The following CDC45 variants were observed in gnomAD, a reference collection of about 807,000 sequenced individuals.
The protein encoded by CDC45 is cell division cycle 45.
A neutral mutation model predicts 77.8 loss-of-function variants in CDC45; 54 were observed. The observed-to-expected ratio is 0.69, with a 90% confidence interval of 0.56 to 0.87. The LOEUF (loss-of-function observed/expected upper bound fraction) is 0.87. Ranked by LOEUF, CDC45 falls within the 40% of genes least tolerant of loss-of-function variation. The pLI is 0.00. For missense variants in CDC45, 649 were observed against 721.6 expected (o/e 0.90, Z 1.15); for synonymous variants, 260 against 272.1 (o/e 0.96, Z 0.44).
At chr22:19,518,628 C>G (rs1367694219) in intron 17 of CDC45, among the ~76,000 whole-genome samples, 1 of 152,150 alleles carries the variant, frequency 6.6e-6, no homozygotes, top group East Asian at 1.9e-4. Context: ...GTTCTCCCTG[C>G]AGGCCCCAAC....
intron 17 of CDC45, among the ~76,000 whole-genome samples, chr22:19,518,276 C>T (rs375965796): frequency 1.4e-4 from 21 of 152,286 alleles, no homozygotes; most frequent in African/African-American, 2.6e-4. Flanking sequence ...TGGGCTGGGT[C>T]TGGGGCTCTC....
intron 9 of CDC45, among the ~76,000 whole-genome samples, chr22:19,503,512 G>A (rs1932983168): frequency 6.6e-6 from 1 of 152,170 alleles, no homozygotes; most frequent in Non-Finnish European, 1.5e-5. Context: ...TGGTCTCTGG[G>A]CAAGATGAAA....
At position 19,514,857 on chromosome 22, in the gene CDC45, G is replaced by C. The variant is rs1933693491; in HGVS notation, c.1326G>C (p.Gln442His). The change falls in exon 14 of 19, where the codon CAG becomes CAC. Residue 442 changes from glutamine to histidine, a missense_variant. Gln to His is a conservative substitution (Grantham distance 24, BLOSUM62 0). Coordinates refer to ENST00000263201, the MANE Select transcript of CDC45 (RefSeq NM_003504.5). ...TTTGCACCAACCTCGTCATCTCCCA[G>C]GGGCCTTTCCTGTACTGCTCTCTCA... ...SCLCTNLVIS[Q>H]GPFLYCSLME... The C allele has an allele frequency of 1.3e-5, 21 of 1,614,158 alleles. No individual in the cohort carries two copies. Among genetic ancestry groups the C allele is most frequent in the Non-Finnish European group, 1.5e-5 (18 of 1,180,030 alleles).
Position 19,480,255 on chromosome 22 carries a change from G to T in CDC45, c.111+38G>T, listed in dbSNP as rs770856992. 10 of 1,591,302 alleles carry T rather than the reference G, an allele frequency of 6.3e-6. No individual in the cohort carries two copies. In the East Asian group the frequency reaches 1.6e-4, roughly 25 times the overall value. On this transcript the variant is annotated intron_variant, in intron 2 of 18. Coordinates refer to ENST00000263201, the MANE Select transcript of CDC45 (RefSeq NM_003504.5). ...GACCCTAGGAGGGCGGGGCCGGCGC[G>T]CGAGGTGAGGGTGCTGCGTGGGGGC...
At chr22:19,481,527 C>A (rs939520972) in intron 3 of CDC45, among the ~76,000 whole-genome samples, 3 of 151,604 alleles carry the variant, frequency 2.0e-5, no homozygotes, top group Admixed American at 2.0e-4. Flanking sequence ...TACAGGCACC[C>A]GCCACCACAC....
intron 11 of CDC45, 92 bp from the exon 12 acceptor site, chr22:19,507,674 G>A (rs1209514356): frequency 3.0e-6 from 4 of 1,337,610 alleles, no homozygotes; most frequent in South Asian, 1.3e-5. Flanking sequence ...TGCTGGTGCG[G>A]GGACATCCTC....
Position 19,494,512 on chromosome 22 carries a change from C to G in CDC45, c.542+130C>G, listed in dbSNP as rs151216373. The G allele has an allele frequency of 4.2e-3, 6,573 of 1,552,294 alleles. 19 individuals are homozygous for G. The highest frequency in any genetic ancestry group is 5.3e-3 in the Non-Finnish European group (6,056 of 1,147,168). On this transcript the variant is annotated intron_variant, in intron 6 of 18. Coordinates refer to ENST00000263201, the MANE Select transcript of CDC45 (RefSeq NM_003504.5). ...GTTTAGAACCTTTGGGCCAGTGGCT[C>G]TGGGAGTGAACCTGTGGCCGCTGCA...
Position 19,479,944 on chromosome 22 carries a change from C to A in CDC45, c.-25C>A, listed in dbSNP as rs746235990. 3 of 1,612,236 alleles carry A rather than the reference C, an allele frequency of 1.9e-6. No individual in the cohort carries two copies. The South Asian group carries it at 3.3e-5, about 18-fold the overall frequency. On this transcript the variant is annotated 5_prime_UTR_variant, in exon 1 of 19. Transcript: ENST00000263201. ...CGGGCTCTTGGTACCTCAGCGCGAGCGCCAGGCGTCCGGCCGCCGTGGCTA... is the reference window on the plus strand; with the variant it reads ...CGGGCTCTTGGTACCTCAGCGCGAGAGCCAGGCGTCCGGCCGCCGTGGCTA...
At chr22:19,518,301 C>A (rs541443071) in intron 17 of CDC45, among the ~76,000 whole-genome samples, 3 of 152,302 alleles carry the variant, frequency 2.0e-5, no homozygotes, top group African/African-American at 7.2e-5. Flanking sequence ...CTGTGGCTGG[C>A]AGCATAGATG....
intron 5 of CDC45, among the ~76,000 whole-genome samples, chr22:19,485,352 T>C (rs1266961374): frequency 6.6e-6 from 1 of 152,232 alleles, no homozygotes; most frequent in African/African-American, 2.4e-5. Flanking sequence ...TGCAAAGCTT[T>C]CCATTGGGGG....
chr22:19,506,114 A>G (rs992126124), intron 10 of CDC45, among the ~76,000 whole-genome samples: 2 of 152,170 alleles, frequency 1.3e-5, no homozygotes, highest in African/African-American at 2.4e-5. Context: ...AGGCCACACA[A>G]TAGTGGCTTG....
chr22:19,511,517 A>G (rs190721617), intron 13 of CDC45, among the ~76,000 whole-genome samples: 162 of 152,092 alleles, frequency 1.1e-3, no homozygotes, highest in Non-Finnish European at 1.6e-3. Flanking sequence ...TTTAGTAGAG[A>G]TGAGATCTTA....
chr22:19,480,867 A>C, intron 2 of CDC45, 86 bp from the exon 3 acceptor site: 1 of 815,822 alleles, frequency 1.2e-6, no homozygotes, highest in South Asian at 1.6e-5. Flanking sequence ...TTTGTCTCTC[A>C]ACCCGTCTAA....
At chr22:19,506,576 G>T (rs1355686498) in intron 10 of CDC45, among the ~76,000 whole-genome samples, 1 of 152,138 alleles carries the variant, frequency 6.6e-6, no homozygotes, top group East Asian at 1.9e-4. Flanking sequence ...AATCCACCGT[G>T]GGGGACAGTC....
chr22:19,485,986 A>T (rs2090061295), intron 5 of CDC45, among the ~76,000 whole-genome samples: 1 of 152,198 alleles, frequency 6.6e-6, no homozygotes, highest in South Asian at 2.1e-4. Context: ...GTATTATTTG[A>T]GAATAGATTG....
chr22:19,495,935 T>A, intron 6 of CDC45, 46 bp from the exon 7 acceptor site: 1 of 1,398,260 alleles, frequency 7.2e-7, no homozygotes, highest in Non-Finnish European at 1.0e-6. Flanking sequence ...TTTGGCTTCC[T>A]GTACTGCTAC....
chr22:19,508,544 G>C lies in CDC45; in HGVS notation c.1070G>C (p.Arg357Pro). The C allele has an allele frequency of 1.2e-6, 2 of 1,614,210 alleles. No homozygotes were observed. The highest frequency in any genetic ancestry group is 1.7e-6 in the Non-Finnish European group (2 of 1,180,040). Residue 357 changes from arginine to proline, a missense_variant, in exon 13 of 19, where the codon CGC becomes CCC. Coordinates refer to ENST00000263201, the MANE Select transcript of CDC45 (RefSeq NM_003504.5). Reference protein sequence around the residue: ...SANKFGMKDMRVQTFSIHFGF... With the variant: ...SANKFGMKDMPVQTFSIHFGF... ...TCCCATGACAGGATGAAGGACATGC[G>C]CGTGCAGACTTTCAGCATTCATTTT...
At chr22:19,482,070 G>A (rs1488261887) in intron 3 of CDC45, among the ~76,000 whole-genome samples, 1 of 152,174 alleles carries the variant, frequency 6.6e-6, no homozygotes, top group Non-Finnish European at 1.5e-5. Flanking sequence ...TCCCACCTCT[G>A]CATGGGGCCA....
intron 13 of CDC45, among the ~76,000 whole-genome samples, chr22:19,513,898 C>T (rs1207844345): frequency 6.6e-6 from 1 of 151,978 alleles, no homozygotes; most frequent in Non-Finnish European, 1.5e-5. Context: ...ATAGCTTTGT[C>T]TTGTTATCTA....
Sources: allele counts gnomAD v4.1 joint callset (sites outside exome capture counted in the v4.1 genomes callset), GRCh38; gene constraint gnomAD v4.1.1; transcripts MANE v1.5; gene names NCBI Gene and HGNC (gene_info 2026-07-23, HGNC 2026-07-21).